ZFP92: variants seen among roughly 807,000 people sequenced by gnomAD.
The protein encoded by ZFP92 is ZFP92 zinc finger protein.
Under a neutral mutation model 7.6 loss-of-function variants are expected in ZFP92, and 2 were observed. The ratio of observed to expected loss-of-function variants is 0.26; its 90% CI spans 0.11 to 0.83. The LOEUF is 0.83. Among genes scored for constraint, ZFP92 ranks in the 40% least tolerant of loss-of-function variants. The pLI, the probability that ZFP92 is intolerant of heterozygous loss-of-function variation, is 0.65. For missense variants in ZFP92, 324 were observed against 408.3 expected (o/e 0.79, Z 1.78); for synonymous variants, 226 against 183.6 (o/e 1.23, Z -1.87).
intron 2 of ZFP92, among the ~76,000 whole-genome samples, chrX:153,413,767 G>A (rs1375411062): frequency 1.8e-5 from 2 of 112,118 alleles, no homozygotes; most frequent in Non-Finnish European, 3.8e-5. Flanking sequence ...TGCCCACCTG[G>A]GTGTTATTTG....
In ZFP92 at chrX:153,418,203, G is replaced by C. The variant is rs2088969683; in HGVS notation, c.-18-102G>C. 7.4e-6 allele frequency: 7 copies of C among 950,897 alleles called. No individual in the cohort carries two copies. The East Asian group carries it at 1.3e-4, about 18-fold the overall frequency. 78.4% of individuals were successfully genotyped at this position (950,897 alleles called of 1,213,427 possible). A position where few individuals can be genotyped will look rare whatever the true frequency, so the allele number is the denominator to read the frequency against. ...TGAGAACACCACAGGTGGCCGCTGT[G>C]CTTATTTCACAAGAAAAACTAAGCA... On this transcript the variant is annotated intron_variant, in intron 2 of 5. Coordinates refer to ENST00000338647, the MANE Select transcript of ZFP92 (RefSeq NM_001136273.2).
In ZFP92 at chrX:153,423,651, C is replaced by G. The variant is rs1307702523; in HGVS notation, c.*2023C>G. ...CATGAGTGAAATAGGTCTTGCAGTC[C>G]TAGCACCTCAGACTCAGGCTTGGGA... On this transcript the variant is annotated 3_prime_UTR_variant, in exon 6 of 6. Coordinates refer to ENST00000338647, the MANE Select transcript of ZFP92 (RefSeq NM_001136273.2). 2 of 113,442 alleles carry G rather than the reference C, an allele frequency of 1.8e-5. No individual in the cohort carries two copies. Among genetic ancestry groups the G allele is most frequent in the Admixed American group, 9.2e-5 (1 of 10,820 alleles). 9.3% of individuals were successfully genotyped at this position (113,442 alleles called of 1,213,427 possible).
intron 2 of ZFP92, among the ~76,000 whole-genome samples, chrX:153,413,906 T>A (rs1556973366): frequency 8.9e-6 from 1 of 112,406 alleles, no homozygotes; most frequent in Non-Finnish European, 1.9e-5. Flanking sequence ...GCACCTCCGC[T>A]GGGTCTTCCG....
intron 3 of ZFP92, 67 bp from the exon 4 acceptor site, chrX:153,418,606 T>A (rs2088974309): frequency 1.7e-6 from 2 of 1,145,533 alleles, no homozygotes; most frequent in African/African-American, 3.6e-5. Context: ...ACATTTTGTT[T>A]CTGTCAGCTC....
chrX:153,418,463 C>T (rs1569529564), intron 3 of ZFP92, 108 bp downstream of exon 3: 2 of 1,044,082 alleles, frequency 1.9e-6, no homozygotes, highest in East Asian at 3.3e-5. Context: ...CCCTTAGCAT[C>T]GTTTTCCTTT....
chrX:153,416,342 C>G (rs2088951108), intron 2 of ZFP92, among the ~76,000 whole-genome samples: 1 of 111,938 alleles, frequency 8.9e-6, no homozygotes, highest in Admixed American at 9.5e-5. Flanking sequence ...ATGTGATACC[C>G]CTTTCTCTCT....
chrX:153,417,489 G>A (rs1186399957), intron 2 of ZFP92, among the ~76,000 whole-genome samples: 4 of 112,011 alleles, frequency 3.6e-5, no homozygotes, highest in Admixed American at 1.9e-4. Context: ...AAGGGAGGTC[G>A]TACATGTGCA....
rs1556974930 is a variant in ZFP92 at position 153,421,062 on chromosome X, A to G, written c.685A>G (p.Ile229Val). Residue 229 changes from isoleucine to valine, a missense_variant, in exon 6 of 6, where the codon ATC (isoleucine) becomes GTC (valine). By Grantham distance (29) the Ile-to-Val change is conservative (BLOSUM62 3). Coordinates refer to ENST00000338647, the MANE Select transcript of ZFP92 (RefSeq NM_001136273.2). ...CTCCAACCTCATCAAGCACCAGGTC[A>G]TCCACAGCGGCGAGCGGCCCTTCGC... ...RSSNLIKHQV[I>V]HSGERPFACG... 1 of 1,191,534 alleles carries G rather than the reference A, an allele frequency of 8.4e-7. No homozygotes were observed. The highest frequency in any genetic ancestry group is 1.1e-6 in the Non-Finnish European group (1 of 885,162).
chrX:153,421,532 GGGCCCTGGGAGCACC>G lies in ZFP92; in HGVS notation c.1168_1182del (p.Thr390_Ser394del). On this transcript the variant is annotated inframe_deletion, in exon 6 of 6. Transcript: ENST00000338647. ...AGGCGGAGACGGCGCGGAGGCTAGC[GGGCCCTGGGAGCACC>G]GGCCCTGGGAGCGCGGTGGCGGCCA... is the stretch of plus-strand genomic sequence containing the variant. 4.4e-6 allele frequency: 5 copies of G among 1,123,945 alleles called. No homozygotes were observed. Among genetic ancestry groups the G allele is most frequent in the African/African-American group, 3.7e-5 (2 of 53,526 alleles). 92.6% of individuals were successfully genotyped at this position (1,123,945 alleles called of 1,213,427 possible). A position where few individuals can be genotyped will look rare whatever the true frequency, so the allele number is the denominator to read the frequency against.
chrX:153,412,203 T>A lies in ZFP92; in HGVS notation c.-19+190T>A, dbSNP rs1315741946. 3.6e-5 allele frequency among the ~76,000 whole-genome samples: 4 copies of A among 112,164 alleles called. No homozygotes were observed. The East Asian group carries it at 1.1e-3, about 32-fold the overall frequency. On this transcript the variant is annotated intron_variant, in intron 2 of 5. Transcript: ENST00000338647. ...TGGTGCGGGATGTTGACCAGGTGAC[T>A]GGCATGCCACGGAAAAGCATCAGCT...
rs782790094 is a variant in ZFP92, at chrX:153,423,813, GCAGA to G, written c.*2189_*2192del. 1.8e-5 allele frequency: 2 copies of G among 113,992 alleles called. No homozygotes were observed. Among genetic ancestry groups the G allele is most frequent in the East Asian group, 5.5e-4 (2 of 3,642 alleles). 9.4% of individuals were successfully genotyped at this position (113,992 alleles called of 1,213,427 possible). On this transcript the variant is annotated 3_prime_UTR_variant, in exon 6 of 6. Coordinates refer to ENST00000338647, the MANE Select transcript of ZFP92 (RefSeq NM_001136273.2). ...TGGGAAGTCTGGGTTTTTCTGCTGT[GCAGA>G]CAGTCTTTGCAAGGGCTGGCATGGG...
rs1297644028 is a variant in ZFP92, at chrX:153,420,754, T to G, written c.377T>G (p.Val126Gly). 2 of 1,163,439 alleles carry G rather than the reference T, an allele frequency of 1.7e-6. No homozygotes were observed. The highest frequency in any genetic ancestry group is 3.6e-5 in the African/African-American group (2 of 56,039). Reference sequence around the variant, plus strand: ...GAGGGGCAGGCGGCGAGGTCGTCTGTGCTCCAGAGAGGTGCCCAGGGCTTG... The same window carrying G: ...GAGGGGCAGGCGGCGAGGTCGTCTGGGCTCCAGAGAGGTGCCCAGGGCTTG... ...GKEGQAARSS[V>G]LQRGAQGLGQ... Residue 126 changes from valine to glycine, a missense_variant, in exon 6 of 6, where the codon GTG (valine) becomes GGG (glycine). Transcript: ENST00000338647.
intron 2 of ZFP92, among the ~76,000 whole-genome samples, chrX:153,413,960 G>A (rs1311009308): frequency 1.8e-5 from 2 of 112,356 alleles, no homozygotes; most frequent in Admixed American, 1.9e-4. Context: ...GCGGCCTCCC[G>A]CCGATGGGGT....
In ZFP92 at chrX:153,418,551, G is replaced by A. The variant is rs370962290; in HGVS notation, c.34-122G>A. ...TTCTGTCTTACAACTCGTGCAACCC[G>A]AGTCTTTCCACCTGCTGAGCCTTCC... On this transcript the variant is annotated intron_variant, in intron 3 of 5. Coordinates refer to ENST00000338647, the MANE Select transcript of ZFP92 (RefSeq NM_001136273.2). 182 of 1,024,959 alleles carry A rather than the reference G, an allele frequency of 1.8e-4. 1 individual carries two copies. The highest frequency in any genetic ancestry group is 3.4e-4 in the Middle Eastern group (1 of 2,970). 84.5% of individuals were successfully genotyped at this position (1,024,959 alleles called of 1,213,427 possible).
intron 2 of ZFP92, among the ~76,000 whole-genome samples, chrX:153,416,319 A>G (rs1457090458): frequency 9.0e-6 from 1 of 111,674 alleles, no homozygotes; most frequent in Non-Finnish European, 1.9e-5. Flanking sequence ...TAATCACAGG[A>G]TGGCATTTTG....
chrX:153,417,396 GTCACCC>G (rs1556973972), intron 2 of ZFP92, among the ~76,000 whole-genome samples: 2 of 112,034 alleles, frequency 1.8e-5, no homozygotes, highest in Non-Finnish European at 3.8e-5. Context: ...CTGCCTGAAT[GTCACCC>G]CTTCAGAGAG....
At chrX:153,413,425 A>G (rs1354227989) in intron 2 of ZFP92, among the ~76,000 whole-genome samples, 2 of 107,091 alleles carry the variant, frequency 1.9e-5, no homozygotes, top group East Asian at 3.0e-4. Context: ...TTCCACCCAT[A>G]GGCTAAGGTC....
Position 153,415,686 on chromosome X carries a change from GT to G in ZFP92, c.-18-2610del, listed in dbSNP as rs200624871. Among the ~76,000 whole-genome samples the G allele has an allele frequency of 4.2e-3, 461 of 110,698 alleles. 1 individual carries two copies. Among genetic ancestry groups the G allele is most frequent in the African/African-American group, 0.013 (406 of 30,451 alleles). Reference sequence around the variant, plus strand: ...ACAAGCCACCAGTCTGTTTTCCATAGTTTTTTTTTCTTTTTAATCACCATCT... The same window carrying G: ...ACAAGCCACCAGTCTGTTTTCCATAGTTTTTTTTCTTTTTAATCACCATCT... On this transcript the variant is annotated intron_variant, in intron 2 of 5. Transcript: ENST00000338647.
intron 4 of ZFP92, 140 bp from the exon 5 acceptor site, chrX:153,420,088 T>G: frequency 2.1e-6 from 1 of 479,814 alleles, no homozygotes; most frequent in Middle Eastern, 4.5e-4. Flanking sequence ...GACTTGGCCC[T>G]TTCTCTGAGC....
Sources: gnomAD v4.1 joint callset for allele counts (sites outside exome capture counted in the v4.1 genomes callset) on GRCh38, gnomAD v4.1.1 for gene constraint, MANE v1.5 for transcripts, NCBI Gene and HGNC (gene_info 2026-07-23, HGNC 2026-07-21) for gene names.